Variants in GCNT3 observed in about 807,000 individuals in gnomAD.
The protein encoded by GCNT3 is beta-1,3-galactosyl-O-glycosyl-glycoprotein beta-1,6-N-acetylglucosaminyltransferase 3.
For synonymous variants in GCNT3, 269 were observed against 195.2 expected, an observed-to-expected ratio of 1.38 and a Z score of -3.15; for missense variants, 708 against 530.3, an observed-to-expected ratio of 1.34 and a Z score of -3.29.
chr15:59,619,659 T>C lies in GCNT3; in HGVS notation c.*104T>C. ...TGGGAGACCAGGGCTTTGCAATTCG[T>C]GGCATCCTTTAGGATAAGAGGGCTG... On this transcript the variant is annotated 3_prime_UTR_variant, in exon 3 of 3. Transcript: ENST00000396065. 1 of 749,746 alleles carries C rather than the reference T, an allele frequency of 1.3e-6. No individual in the cohort carries two copies. Among genetic ancestry groups the C allele is most frequent in the Non-Finnish European group, 2.3e-6 (1 of 433,938 alleles). The allele number at this position is 749,746 out of a possible 1,614,324, so 46.4% of individuals were successfully genotyped here.
Position 59,618,556 on chromosome 15 carries a change from C to T in GCNT3, c.318C>T (p.Leu106=), listed in dbSNP as rs368540018. ...TCACAGACACCCACTACCTCTCCCT[C>T]ACCAGAGACTGTGAGCACTTCAAGG... ...EPFTDTHYLS[L]TRDCEHFKAE... The change falls in exon 3 of 3, where the codon CTC becomes CTT. Residue 106 remains leucine (L), a synonymous_variant. Transcript: ENST00000396065. The T allele has an allele frequency of 4.3e-6, 7 of 1,614,056 alleles. No individual in the cohort carries two copies. The African/African-American group carries it at 6.7e-5, about 15-fold the overall frequency.
rs1049266193 is a variant in GCNT3, at chr15:59,620,220, T to C, written c.*665T>C. 1 of 164,428 alleles carries C rather than the reference T, an allele frequency of 6.1e-6. No homozygotes were observed. Among genetic ancestry groups the C allele is most frequent in the Non-Finnish European group, 1.5e-5 (1 of 68,162 alleles). 10.2% of individuals were successfully genotyped at this position (164,428 alleles called of 1,614,324 possible). A position where few individuals can be genotyped will look rare whatever the true frequency, so the allele number is the denominator to read the frequency against. Reference sequence around the variant, plus strand: ...TCTTGCTCTGTCACCCAGGCTGGACTGCAGTAGTGCAATCTCAGTTCACTG... The same window carrying C: ...TCTTGCTCTGTCACCCAGGCTGGACCGCAGTAGTGCAATCTCAGTTCACTG... On this transcript the variant is annotated 3_prime_UTR_variant, in exon 3 of 3. Transcript: ENST00000396065.
chr15:59,616,304 G>T (rs1385482209), intron 1 of GCNT3: 1 of 152,126 alleles, frequency 6.6e-6, no homozygotes, highest in African/African-American at 2.4e-5. Flanking sequence ...AATAACAAAA[G>T]AAAAATCCTT....
At chr15:59,612,619 C>T (rs930165554) in intron 1 of GCNT3, among the ~76,000 whole-genome samples, 5 of 152,146 alleles carry the variant, frequency 3.3e-5, no homozygotes, top group Non-Finnish European at 7.4e-5. Context: ...CCCGGGATCC[C>T]AGGCAGTCTG....
In GCNT3 at chr15:59,619,020, A is replaced by G. The variant is rs1682634502; in HGVS notation, c.782A>G (p.Lys261Arg). The G allele has an allele frequency of 6.2e-7, 1 of 1,614,186 alleles. No individual in the cohort carries two copies. Among genetic ancestry groups the G allele is most frequent in the Non-Finnish European group, 8.5e-7 (1 of 1,180,028 alleles). The stretch of plus-strand genomic sequence containing the variant: ...GAGTCAGAGGTACCTCCTAAGCACA[A>G]AGAAACCCGCTGGAAATATCACTTT... Reference protein sequence around the residue: ...SMESEVPPKHKETRWKYHFEV... With the variant: ...SMESEVPPKHRETRWKYHFEV... Residue 261 changes from lysine (K) to arginine (R), a missense_variant, in exon 3 of 3, where the codon AAA becomes AGA. Coordinates refer to ENST00000396065, the MANE Select transcript of GCNT3 (RefSeq NM_004751.3).
intron 1 of GCNT3, chr15:59,614,946 A>C (rs149051821): frequency 6.9e-4 from 105 of 152,276 alleles, no homozygotes; most frequent in African/African-American, 2.4e-3. Context: ...TAAAATACCT[A>C]AATTCTCTGC....
chr15:59,612,609 C>T (rs574381726), intron 1 of GCNT3, among the ~76,000 whole-genome samples: 1 of 152,258 alleles, frequency 6.6e-6, no homozygotes, highest in Non-Finnish European at 1.5e-5. Flanking sequence ...TTGAAATGTG[C>T]CCGGGATCCC....
chr15:59,611,872 C>T lies in GCNT3; in HGVS notation c.-360C>T, dbSNP rs1296866435. On this transcript the variant is annotated 5_prime_UTR_variant, in exon 1 of 3. Transcript: ENST00000396065. ...TCAGCAGTTTTTGTTCTGGGAAGCC[C>T]TGGGATTCTGCTAATACCTATCACT... 1 of 152,146 alleles carries T rather than the reference C, an allele frequency of 6.6e-6. No individual in the cohort carries two copies. The highest frequency in any genetic ancestry group is 1.5e-5 in the Non-Finnish European group (1 of 68,050). The allele number at this position is 152,146 out of a possible 1,614,324, so 9.4% of individuals were successfully genotyped here. A position where few individuals can be genotyped will look rare whatever the true frequency, so the allele number is the denominator to read the frequency against.
In GCNT3 at chr15:59,620,777, T is replaced by C. The variant is rs1464833898; in HGVS notation, c.*1222T>C. 1 of 166,152 alleles carries C rather than the reference T, an allele frequency of 6.0e-6. No individual in the cohort carries two copies. Among genetic ancestry groups the C allele is most frequent in the Admixed American group, 6.6e-5 (1 of 15,160 alleles). The allele number at this position is 166,152 out of a possible 1,614,324, so 10.3% of individuals were successfully genotyped here. On this transcript the variant is annotated 3_prime_UTR_variant, in exon 3 of 3. Transcript: ENST00000396065. ...TTTGTAGGGGGAGAGTCTGCACTAT[T>C]AATAATTGTATTGAGAAATAAAAAT...
chr15:59,619,520 C>T lies in GCNT3; in HGVS notation c.1282C>T (p.Leu428=), dbSNP rs2082737458. Residue 428 remains leucine (L), a synonymous_variant, in exon 3 of 3, where the codon CTA becomes TTA. Coordinates refer to ENST00000396065, the MANE Select transcript of GCNT3 (RefSeq NM_004751.3). ...TGCTCTTCAGTGCTTAGAAGAATAC[C>T]TACGTTATAAGGCCATCTATGGGAC... ...DNALQCLEEY[L]RYKAIYGTEL The T allele has an allele frequency of 2.5e-6, 4 of 1,608,308 alleles. No homozygotes were observed. Among genetic ancestry groups the T allele is most frequent in the Non-Finnish European group, 3.4e-6 (4 of 1,175,780 alleles).
In GCNT3 at chr15:59,619,257, G is replaced by A. The variant is rs182967667; in HGVS notation, c.1019G>A (p.Arg340Gln). ...EHLWATLQRA[R>Q]WMPGSVPNHP... is the part of the protein sequence containing the mutation. ...CTCTGGGCCACCCTTCAGCGTGCACGGTGGATGCCTGGCTCTGTTCCCAAC... is the reference window on the plus strand; with the variant it reads ...CTCTGGGCCACCCTTCAGCGTGCACAGTGGATGCCTGGCTCTGTTCCCAAC... Residue 340 changes from arginine to glutamine, a missense_variant, in exon 3 of 3, where the codon CGG becomes CAG. Physicochemically the swap from Arg to Gln is conservative, Grantham distance 43. Transcript: ENST00000396065. The A allele has an allele frequency of 1.2e-5, 20 of 1,614,088 alleles. No homozygotes were observed. The highest frequency in any genetic ancestry group is 1.1e-4 in the East Asian group (5 of 44,874).
chr15:59,618,223 C>G lies in GCNT3; in HGVS notation c.-16C>G, dbSNP rs2082728492. Reference sequence around the variant, plus strand: ...TTCCCTGTGCTCGGTCTCCACCTGTCTCCCATTCTGTGACGATGGTTCAAT... The same window carrying G: ...TTCCCTGTGCTCGGTCTCCACCTGTGTCCCATTCTGTGACGATGGTTCAAT... On this transcript the variant is annotated 5_prime_UTR_variant, in exon 3 of 3. Coordinates refer to ENST00000396065, the MANE Select transcript of GCNT3 (RefSeq NM_004751.3). 6.9e-7 allele frequency: 1 copy of G among 1,453,876 alleles called. No individual in the cohort carries two copies. Among genetic ancestry groups the G allele is most frequent in the African/African-American group, 1.4e-5 (1 of 71,120 alleles). The allele number at this position is 1,453,876 out of a possible 1,614,324, so 90.1% of individuals were successfully genotyped here. A position where few individuals can be genotyped will look rare whatever the true frequency, so the allele number is the denominator to read the frequency against.
intron 2 of GCNT3, among the ~76,000 whole-genome samples, chr15:59,617,739 G>A (rs2082726287): frequency 6.6e-6 from 1 of 152,168 alleles, no homozygotes; most frequent in African/African-American, 2.4e-5. Context: ...AGCAAGAAAT[G>A]TTTTGAAAGG....
At position 59,621,609 on chromosome 15, in the gene GCNT3, T is replaced by TTTTTTTTG. The variant is rs1890934619; in HGVS notation, c.*2054_*2055insTTTTTTTG. ...TGATTTTTGTTTTTTTTTTTTTTTT[T>TTTTTTTTG]GAGACAGAGTCTCACTCTGTCACCC... On this transcript the variant is annotated 3_prime_UTR_variant, in exon 3 of 3. Transcript: ENST00000396065. The TTTTTTTTG allele has an allele frequency of 7.1e-6, 1 of 140,716 alleles. No individual in the cohort carries two copies. The highest frequency in any genetic ancestry group is 2.7e-5 in the African/African-American group (1 of 37,236). 8.7% of individuals were successfully genotyped at this position (140,716 alleles called of 1,614,324 possible). A position where few individuals can be genotyped will look rare whatever the true frequency, so the allele number is the denominator to read the frequency against.
In GCNT3 at chr15:59,611,939, G is replaced by T. The variant is rs28364595; in HGVS notation, c.-293G>T. On this transcript the variant is annotated 5_prime_UTR_variant, in exon 1 of 3. Transcript: ENST00000396065. ...AACAGATGAAGAACATGACCTCAAG[G>T]AGCTTCCTGTCAATGAGAAGACCAA... 0.075 allele frequency: 11,421 copies of T among 152,164 alleles called. 725 individuals carry two copies. The highest frequency in any genetic ancestry group is 0.3 in the East Asian group (1,525 of 5,154). 9.4% of individuals were successfully genotyped at this position (152,164 alleles called of 1,614,324 possible). A position where few individuals can be genotyped will look rare whatever the true frequency, so the allele number is the denominator to read the frequency against.
rs139455057 is a variant in GCNT3, at chr15:59,613,395, G to T, written c.-251+1414G>T. 1.9e-4 allele frequency among the ~76,000 whole-genome samples: 29 copies of T among 151,858 alleles called. 1 individual carries two copies. The highest frequency in any genetic ancestry group is 7.0e-4 in the African/African-American group (29 of 41,404). Reference sequence around the variant, plus strand: ...ACTTAACACATAACCAACTTACTTTGGTTACCTTAAAAATAAAATATTTGG... The same window carrying T: ...ACTTAACACATAACCAACTTACTTTTGTTACCTTAAAAATAAAATATTTGG... On this transcript the variant is annotated intron_variant, in intron 1 of 2. Transcript: ENST00000396065.
rs1309936042 is a variant in GCNT3, at chr15:59,618,327, C to T, written c.89C>T (p.Ser30Phe). ...CTGGCCACTGTGGCTCTGAAACTTT[C>T]TTTCAGGTTGAAGTGTGACTCTGAC... The part of the protein sequence containing the change: ...MLLATVALKL[S>F]FRLKCDSDHL... Residue 30 changes from serine (S) to phenylalanine (F), a missense_variant, in exon 3 of 3, where the codon TCT becomes TTT. Physicochemically the swap from Ser to Phe is radical, Grantham distance 155 (BLOSUM62 -2). Coordinates refer to ENST00000396065, the MANE Select transcript of GCNT3 (RefSeq NM_004751.3). 1.1e-5 allele frequency: 17 copies of T among 1,613,748 alleles called. No homozygotes were observed. The highest frequency in any genetic ancestry group is 5.0e-5 in the Admixed American group (3 of 59,996).
chr15:59,618,706 T>G lies in GCNT3; in HGVS notation c.468T>G (p.Pro156=). 1 of 1,614,072 alleles carries G rather than the reference T, an allele frequency of 6.2e-7. No homozygotes were observed. The highest frequency in any genetic ancestry group is 8.5e-7 in the Non-Finnish European group (1 of 1,179,922). ...GGCTACTGCGAGCTGTGTATGCCCC[T>G]CAGAACATATACTGTGTCCATGTGG... is the stretch of plus-strand genomic sequence containing the variant. The part of the protein sequence containing the change: ...FERLLRAVYA[P]QNIYCVHVDE... The change falls in exon 3 of 3, where the codon CCT becomes CCG. Residue 156 remains proline (P), a synonymous_variant. Transcript: ENST00000396065.
In GCNT3 at chr15:59,621,249, G is replaced by A. The variant is rs1265732071; in HGVS notation, c.*1694G>A. The A allele has an allele frequency of 6.6e-6, 1 of 152,046 alleles. No homozygotes were observed. The highest frequency in any genetic ancestry group is 2.4e-5 in the African/African-American group (1 of 41,394). The allele number at this position is 152,046 out of a possible 1,614,324, so 9.4% of individuals were successfully genotyped here. ...AAGGATCGCTATTAGTGATTCTGCA[G>A]ATTACACATTTCCTTGCGGGGAGAC... On this transcript the variant is annotated 3_prime_UTR_variant, in exon 3 of 3. Transcript: ENST00000396065.
Sources: gnomAD v4.1 joint callset for allele counts (sites outside exome capture counted in the v4.1 genomes callset) on GRCh38, gnomAD v4.1.1 for gene constraint, MANE v1.5 for transcripts, NCBI Gene and HGNC (gene_info 2026-07-23, HGNC 2026-07-21) for gene names.